The following LEF1 variants were observed in gnomAD, a reference collection of about 807,000 sequenced individuals.
LEF1 encodes lymphoid enhancer binding factor 1.
A neutral mutation model predicts 51.2 loss-of-function variants in LEF1; 14 were observed. The ratio of observed to expected loss-of-function variants is 0.27; its 90% CI spans 0.18 to 0.43. LEF1 has a LOEUF of 0.43. Ranked by LOEUF, LEF1 falls within the 20% of genes least tolerant of loss-of-function variation. The pLI, the probability that LEF1 is intolerant of heterozygous loss-of-function variation, is 1.00. For synonymous variants in LEF1, 185 were observed against 183.2 expected (o/e 1.01, Z -0.08); for missense variants, 386 against 512.0 (o/e 0.75, Z 2.37).
At chr4:108,099,564 G>GTATATATATATA (rs1553953072) in intron 3 of LEF1, among the ~76,000 whole-genome samples, 4 of 59,312 alleles carry the variant, frequency 6.7e-5, no homozygotes, top group Admixed American at 1.8e-4. Context: ...GTATGTGTGT[G>GTATATATATATA]TGTGTGTATA....
chr4:108,139,805 A>C (rs1361234111), intron 3 of LEF1, among the ~76,000 whole-genome samples: 2 of 152,066 alleles, frequency 1.3e-5, no homozygotes, highest in Non-Finnish European at 2.9e-5. Context: ...CTTTTTTTTC[A>C]AACTATAACT....
intron 3 of LEF1, among the ~76,000 whole-genome samples, chr4:108,134,963 C>A (rs1351566363): frequency 6.6e-6 from 1 of 152,054 alleles, no homozygotes; most frequent in East Asian, 1.9e-4. Flanking sequence ...TCCCATATGA[C>A]AAGAAAATGG....
chr4:108,069,956 T>C, intron 9 of LEF1, among the ~76,000 whole-genome samples: 1 of 39,566 alleles, frequency 2.5e-5, no homozygotes, highest in Non-Finnish European at 6.3e-5. Flanking sequence ...AGATTCTGTC[T>C]CAAAAAAAAA....
intron 3 of LEF1, among the ~76,000 whole-genome samples, chr4:108,162,333 C>T (rs138331257): frequency 1.1e-3 from 163 of 152,200 alleles, no homozygotes; most frequent in African/African-American, 3.9e-3. Flanking sequence ...AAAATAATTA[C>T]AATAACATCT....
Position 108,168,172 on chromosome 4 carries a change from G to C in LEF1, c.-405C>G, listed in dbSNP as rs995460385. ...AGAACGCCGGTTCTGGAGGGAGCAC[G>C]CCTCCCCAAAGTGCAGAGGAGGGTC... On this transcript the variant is annotated 5_prime_UTR_variant, in exon 1 of 12. Coordinates refer to ENST00000265165, the MANE Select transcript of LEF1 (RefSeq NM_016269.5). This position sits in a 1 kb window ranked among gnomAD's most constrained non-coding sequence, Gnocchi z 4.6. 6.6e-6 allele frequency: 1 copy of C among 152,298 alleles called. No individual in the cohort carries two copies. Among genetic ancestry groups the C allele is most frequent in the Non-Finnish European group, 1.5e-5 (1 of 68,132 alleles). The allele number at this position is 152,298 out of a possible 1,614,324, so 9.4% of individuals were successfully genotyped here.
intron 3 of LEF1, among the ~76,000 whole-genome samples, chr4:108,139,241 G>A (rs1014450747): frequency 6.6e-6 from 1 of 152,182 alleles, no homozygotes; most frequent in African/African-American, 2.4e-5. Flanking sequence ...ACTCTATACT[G>A]GGAAATATAA....
At chr4:108,134,890 C>T (rs1743153256) in intron 3 of LEF1, among the ~76,000 whole-genome samples, 1 of 152,174 alleles carries the variant, frequency 6.6e-6, no homozygotes, top group Non-Finnish European at 1.5e-5. Flanking sequence ...ACCCAGCATC[C>T]CTGCTTCTTC....
intron 3 of LEF1, among the ~76,000 whole-genome samples, chr4:108,136,590 C>A (rs1405282856): frequency 6.6e-6 from 1 of 151,672 alleles, no homozygotes; most frequent in Admixed American, 6.6e-5. Flanking sequence ...CAGAAGTTTG[C>A]CTTTCAGGGG....
rs539771753 is a variant in LEF1, at chr4:108,047,946, G to A, written c.*812C>T. 1 of 152,564 alleles carries A rather than the reference G, an allele frequency of 6.6e-6. No homozygotes were observed. Among genetic ancestry groups the A allele is most frequent in the Admixed American group, 6.5e-5 (1 of 15,270 alleles). The allele number at this position is 152,564 out of a possible 1,614,324, so 9.5% of individuals were successfully genotyped here. A position where few individuals can be genotyped will look rare whatever the true frequency, so the allele number is the denominator to read the frequency against. On this transcript the variant is annotated 3_prime_UTR_variant, in exon 12 of 12. Coordinates refer to ENST00000265165, the MANE Select transcript of LEF1 (RefSeq NM_016269.5). ...CTGCCAATTGCTACCAACAGAGTGG[G>A]TTTGGCTATTACATTTATTTAGCTC...
chr4:108,167,742 C>A lies in LEF1; in HGVS notation c.26G>T (p.Gly9Val). Residue 9 changes from glycine to valine, a missense_variant, in exon 1 of 12, where the codon GGC becomes GTC. By Grantham distance (109) the Gly-to-Val change is moderately radical. Coordinates refer to ENST00000265165, the MANE Select transcript of LEF1 (RefSeq NM_016269.5). The surrounding 1 kb of genome is among the most constrained non-coding windows in gnomAD (Gnocchi z 5.7). ...GAGTTCCGGGTCCCCCCCGCCGCCG[C>A]CACCTCCTCCGGAGAGTTGGGGCAT... MPQLSGGG[G>V]GGGGDPELCA... 1 of 1,613,440 alleles carries A rather than the reference C, an allele frequency of 6.2e-7. No individual in the cohort carries two copies. Among genetic ancestry groups the A allele is most frequent in the South Asian group, 1.1e-5 (1 of 91,054 alleles).
chr4:108,163,593 G>A lies in LEF1; in HGVS notation c.389C>T (p.Ser130Phe). The stretch of plus-strand genomic sequence containing the variant: ...TGTTCTCGGGATGGGTGGAGAAAGA[G>A]ATCCATTTGACATGTATGGGTCGTT... ...MNNDPYMSNG[S>F]LSPPIPRTSN... The change falls in exon 3 of 12, where the codon TCT becomes TTT. Residue 130 changes from serine (S) to phenylalanine (F), a missense_variant. By Grantham distance (155) the Ser-to-Phe change is radical. Transcript: ENST00000265165. 6.2e-7 allele frequency: 1 copy of A among 1,613,624 alleles called. No individual in the cohort carries two copies. The highest frequency in any genetic ancestry group is 8.5e-7 in the Non-Finnish European group (1 of 1,179,744).
intron 3 of LEF1, among the ~76,000 whole-genome samples, chr4:108,122,071 G>A (rs1175998322): frequency 1.3e-5 from 2 of 152,250 alleles, no homozygotes; most frequent in South Asian, 4.1e-4. Flanking sequence ...TTCTAGAGTT[G>A]TTGGATATAG....
At chr4:108,107,309 G>A (rs1333348156) in intron 3 of LEF1, among the ~76,000 whole-genome samples, 2 of 150,860 alleles carry the variant, frequency 1.3e-5, no homozygotes, top group Non-Finnish European at 2.9e-5. Context: ...CACAGATCTA[G>A]CAGCCTGACT....
chr4:108,062,963 T>G (rs1338463607), intron 11 of LEF1, among the ~76,000 whole-genome samples: 1 of 152,058 alleles, frequency 6.6e-6, no homozygotes, highest in Non-Finnish European at 1.5e-5. Flanking sequence ...CTAGTGGTCA[T>G]GTGGAAATAA....
intron 11 of LEF1, among the ~76,000 whole-genome samples, chr4:108,059,746 A>G (rs1165498524): frequency 6.6e-6 from 1 of 152,138 alleles, no homozygotes; most frequent in East Asian, 1.9e-4. Context: ...TCTGTTGCTC[A>G]GGCTGTAGTG....
intron 3 of LEF1, among the ~76,000 whole-genome samples, chr4:108,149,487 A>G (rs1578399101): frequency 6.7e-6 from 1 of 149,450 alleles, no homozygotes; most frequent in Admixed American, 6.6e-5. Context: ...TAGATTATAA[A>G]TATATTTTTA....
At chr4:108,161,121 G>A (rs1028041853) in intron 3 of LEF1, among the ~76,000 whole-genome samples, 6 of 152,212 alleles carry the variant, frequency 3.9e-5, no homozygotes, top group Non-Finnish European at 8.8e-5. Context: ...CAGAGTTAAA[G>A]AGCAAGAAGG....
intron 3 of LEF1, among the ~76,000 whole-genome samples, chr4:108,121,263 T>C (rs1422756575): frequency 6.6e-6 from 1 of 152,234 alleles, no homozygotes; most frequent in East Asian, 1.9e-4. Context: ...TGCTAAGTGA[T>C]GAGCAGTTTT....
At chr4:108,056,798 T>G (rs1024811523) in intron 11 of LEF1, among the ~76,000 whole-genome samples, 4 of 151,752 alleles carry the variant, frequency 2.6e-5, no homozygotes, top group African/African-American at 9.7e-5. Context: ...TGCAGCGATC[T>G]GGCAATCCAT....
Sources: gnomAD v4.1 joint callset for allele counts (sites outside exome capture counted in the v4.1 genomes callset) on GRCh38, gnomAD v4.1.1 for gene constraint, Gnocchi (gnomAD v3.1) non-coding constraint, MANE v1.5 for transcripts, NCBI Gene and HGNC (gene_info 2026-07-23, HGNC 2026-07-21) for gene names.